Variants in GLCE observed in about 807,000 individuals in gnomAD.
GLCE encodes the protein glucuronic acid epimerase.
Under a neutral mutation model 47.9 loss-of-function variants are expected in GLCE, and 19 were observed. The observed-to-expected ratio is 0.40, with a 90% CI of 0.28 to 0.58. The LOEUF is 0.58. Ranked by LOEUF, GLCE falls within the 20% of genes least tolerant of loss-of-function variation. The pLI is 0.48. For synonymous variants in GLCE, 245 were observed against 263.4 expected (o/e 0.93, Z 0.68); for missense variants, 556 against 743.3 (o/e 0.75, Z 2.93).
chr15:69,197,041 C>A, intron 1 of GLCE: 2 of 323,890 alleles, frequency 6.2e-6, no homozygotes, highest in East Asian at 8.2e-5. Context: ...TGAGTTCCAG[C>A]AAAACCATTA....
At position 69,248,869 on chromosome 15, in the gene GLCE, T is replaced by A. The variant is rs187750898; in HGVS notation, c.-13-6925T>A. Among the ~76,000 whole-genome samples the A allele has an allele frequency of 8.5e-5, 13 of 152,302 alleles. No individual in the cohort carries two copies. The East Asian group carries it at 2.3e-3, about 27-fold the overall frequency. ...ATCCTCCCACCTTGGCCTCCCAAAG[T>A]GCTGGGATTACAGGCATGAGCCAAG... On this transcript the variant is annotated intron_variant, in intron 2 of 4. Coordinates refer to ENST00000261858, the MANE Select transcript of GLCE (RefSeq NM_015554.3).
chr15:69,173,780 A>T (rs2051621307), intron 1 of GLCE, among the ~76,000 whole-genome samples: 1 of 152,268 alleles, frequency 6.6e-6, no homozygotes, highest in Non-Finnish European at 1.5e-5. Context: ...ATGGCTTCAT[A>T]CAGTATCAGA....
At chr15:69,170,824 C>T (rs964582371) in intron 1 of GLCE, among the ~76,000 whole-genome samples, 3 of 152,160 alleles carry the variant, frequency 2.0e-5, no homozygotes, top group Non-Finnish European at 4.4e-5. Context: ...AGTTCTTTGA[C>T]AATAGCACTT....
intron 1 of GLCE, among the ~76,000 whole-genome samples, chr15:69,181,604 A>G (rs768379722): frequency 6.6e-6 from 1 of 152,174 alleles, no homozygotes; most frequent in Non-Finnish European, 1.5e-5. Flanking sequence ...CTAGTTTGCA[A>G]TGTGGAATTC....
At chr15:69,261,372 T>C in intron 4 of GLCE, 43 bp downstream of exon 4, 2 of 1,587,556 alleles carry the variant, frequency 1.3e-6, no homozygotes, top group Non-Finnish European at 1.7e-6. Flanking sequence ...TATGTTGATT[T>C]ATGGGACCCT....
At chr15:69,213,153 T>A (rs1174855039) in intron 2 of GLCE, among the ~76,000 whole-genome samples, 2 of 152,066 alleles carry the variant, frequency 1.3e-5, no homozygotes, top group South Asian at 2.1e-4. Context: ...AGAGTTTTTT[T>A]AATATTCATT....
At chr15:69,197,626 G>A (rs765412029) in intron 1 of GLCE, among the ~76,000 whole-genome samples, 7 of 152,092 alleles carry the variant, frequency 4.6e-5, no homozygotes, top group Admixed American at 6.6e-5. Context: ...AGAGGAAGTC[G>A]GAGAATCGAT....
chr15:69,260,252 G>GTTT lies in GLCE; in HGVS notation c.587-812_587-810dup, dbSNP rs34911776. ...ATTTTAAATTGCCAAGTCACAACTG[G>GTTT]TTTTTTTTTTTTTTTTTTTTTTTTT... On this transcript the variant is annotated intron_variant, in intron 3 of 4. Transcript: ENST00000261858. Among the ~76,000 whole-genome samples, 105 of 79,206 alleles carry GTTT rather than the reference G, an allele frequency of 1.3e-3. 1 individual carries two copies. Among genetic ancestry groups the GTTT allele is most frequent in the East Asian group, 4.2e-3 (10 of 2,392 alleles). The allele number at this position is 79,206 out of a possible 152,430, so 52.0% of individuals were successfully genotyped here. A position where few individuals can be genotyped will look rare whatever the true frequency, so the allele number is the denominator to read the frequency against.
chr15:69,246,636 A>G (rs574075264), intron 2 of GLCE, among the ~76,000 whole-genome samples: 3 of 151,912 alleles, frequency 2.0e-5, no homozygotes, highest in African/African-American at 4.8e-5. Flanking sequence ...GAATCGCTTG[A>G]ATCCGGGAGG....
chr15:69,260,182 AT>A, intron 3 of GLCE, among the ~76,000 whole-genome samples: 1 of 151,818 alleles, frequency 6.6e-6, no homozygotes. Flanking sequence ...TAAGAATTAC[AT>A]TTTAACAGGA....
rs1163529945 is a variant in GLCE at position 69,235,090 on chromosome 15, A to AATCTTTTTTTTTTTTTTTTTTTTTTTTT, written c.-13-20704_-13-20703insATCTTTTTTTTTTTTTTTTTTTTTTTTT. On this transcript the variant is annotated intron_variant, in intron 2 of 4. Transcript: ENST00000261858. ...GAACTGATACAGATAGATGAAGATT[A>AATCTTTTTTTTTTTTTTTTTTTTTTTTT]TTCTTTTTTTTTTTTTTTTTTTTTT... Among the ~76,000 whole-genome samples, 5 of 82,488 alleles carry AATCTTTTTTTTTTTTTTTTTTTTTTTTT rather than the reference A, an allele frequency of 6.1e-5. 1 individual carries two copies. The highest frequency in any genetic ancestry group is 1.7e-4 in the African/African-American group (3 of 17,666). 54.1% of individuals were successfully genotyped at this position (82,488 alleles called of 152,430 possible). A position where few individuals can be genotyped will look rare whatever the true frequency, so the allele number is the denominator to read the frequency against.
At chr15:69,179,008 T>G (rs531355744) in intron 1 of GLCE, among the ~76,000 whole-genome samples, 141 of 152,302 alleles carry the variant, frequency 9.3e-4, no homozygotes, top group Middle Eastern at 3.4e-3. Context: ...AGAGCAGTGT[T>G]TATGGTATGC....
intron 1 of GLCE, among the ~76,000 whole-genome samples, chr15:69,169,719 G>A (rs2051560505): frequency 6.6e-6 from 1 of 152,146 alleles, no homozygotes; most frequent in South Asian, 2.1e-4. Flanking sequence ...CAAAGGACAT[G>A]AACTCATCCT....
intron 1 of GLCE, among the ~76,000 whole-genome samples, chr15:69,191,850 T>A (rs374128379): frequency 6.6e-6 from 1 of 152,162 alleles, no homozygotes; most frequent in Admixed American, 6.6e-5. Context: ...ACCTTTTTCC[T>A]GCATACTAGG....
chr15:69,200,830 C>T (rs1015003017), intron 1 of GLCE, among the ~76,000 whole-genome samples: 6 of 152,092 alleles, frequency 3.9e-5, no homozygotes, highest in Non-Finnish European at 7.4e-5. Context: ...ATCCAGGTCT[C>T]ATTGGGTTAA....
intron 4 of GLCE, among the ~76,000 whole-genome samples, chr15:69,264,382 A>G (rs940642035): frequency 6.6e-6 from 1 of 151,832 alleles, no homozygotes. Context: ...GTATACACAC[A>G]TGTGTGTGCA....
chr15:69,218,934 G>A (rs937023371), intron 2 of GLCE, among the ~76,000 whole-genome samples: 1 of 152,040 alleles, frequency 6.6e-6, no homozygotes, highest in Non-Finnish European at 1.5e-5. Context: ...ATGATACTTA[G>A]TATAATATTT....
intron 1 of GLCE, among the ~76,000 whole-genome samples, chr15:69,205,869 C>A (rs1380454021): frequency 1.3e-5 from 2 of 152,026 alleles, no homozygotes; most frequent in Non-Finnish European, 2.9e-5. Context: ...AGAAGAGTTA[C>A]AAAGATAATA....
At chr15:69,232,410 A>C (rs1014705491) in intron 2 of GLCE, among the ~76,000 whole-genome samples, 1 of 152,070 alleles carries the variant, frequency 6.6e-6, no homozygotes, top group South Asian at 2.1e-4. Flanking sequence ...AGAAGTCTTG[A>C]TTAGTCACTT....
Sources: allele counts gnomAD v4.1 joint callset (sites outside exome capture counted in the v4.1 genomes callset), GRCh38; gene constraint gnomAD v4.1.1; transcripts MANE v1.5; gene names NCBI Gene and HGNC (gene_info 2026-07-23, HGNC 2026-07-21).